MTUS1: variants seen among roughly 807,000 people sequenced by gnomAD.
MTUS1 encodes the protein microtubule associated scaffold protein 1.
In MTUS1, 109 loss-of-function variants were observed where a neutral mutation model predicts 120.8. The ratio of observed to expected loss-of-function variants is 0.90; its 90% confidence interval spans 0.77 to 1.06. The LOEUF is 1.06. Ranked by LOEUF, MTUS1 falls within the 50% of genes least tolerant of loss-of-function variation. MTUS1 has a pLI of 0.00. For missense variants in MTUS1, 2,210 were observed against 1,486.3 expected, an observed-to-expected ratio of 1.49 and a Z score of -8.01; for synonymous variants, 737 against 550.5, an observed-to-expected ratio of 1.34 and a Z score of -4.74.
At chr8:17,742,794 T>C (rs1447113418) in intron 3 of MTUS1, among the ~76,000 whole-genome samples, 1 of 152,244 alleles carries the variant, frequency 6.6e-6, no homozygotes, top group African/African-American at 2.4e-5. Flanking sequence ...ATTTGCTCGC[T>C]TTCATTAGTT....
intron 7 of MTUS1, among the ~76,000 whole-genome samples, chr8:17,679,486 AT>A (rs33953568): frequency 0.57 from 85,374 of 149,260 alleles, 25,197 homozygotes; most frequent in Middle Eastern, 0.7. Context: ...AACTATTTTT[AT>A]TTTATTTATT....
At chr8:17,695,778 T>TA (rs1186529071) in intron 6 of MTUS1, among the ~76,000 whole-genome samples, 2 of 152,222 alleles carry the variant, frequency 1.3e-5, no homozygotes, top group East Asian at 3.9e-4. Context: ...ATAGAATATA[T>TA]AGTACGCTTT....
intron 6 of MTUS1, among the ~76,000 whole-genome samples, chr8:17,700,718 G>GA (rs1451975008): frequency 6.6e-6 from 1 of 150,760 alleles, no homozygotes; most frequent in African/African-American, 2.4e-5. Flanking sequence ...CATGCAGCCA[G>GA]AAAAAAATTA....
At chr8:17,721,683 A>G in intron 4 of MTUS1, 1 of 1,543,762 alleles carries the variant, frequency 6.5e-7, no homozygotes, top group Non-Finnish European at 8.7e-7. Context: ...ATGCTTACAA[A>G]GAAAAGAAAC....
chr8:17,652,746 G>T (rs944564363), intron 12 of MTUS1, among the ~76,000 whole-genome samples: 6 of 151,752 alleles, frequency 4.0e-5, no homozygotes, highest in African/African-American at 1.5e-4. Flanking sequence ...TGAGGCAGGA[G>T]ACTCGCTTGA....
chr8:17,731,309 C>T (rs1490736342), intron 3 of MTUS1, among the ~76,000 whole-genome samples: 1 of 152,140 alleles, frequency 6.6e-6, no homozygotes, highest in Non-Finnish European at 1.5e-5. Context: ...GCCTAGTGAG[C>T]AGGTTCCTCA....
chr8:17,708,898 G>C (rs1437624429), intron 6 of MTUS1: 1 of 152,194 alleles, frequency 6.6e-6, no homozygotes, highest in Non-Finnish European at 1.5e-5. Flanking sequence ...AGCACTTTCG[G>C]AGGCCGAGGC....
intron 4 of MTUS1, chr8:17,723,326 G>A (rs2045968828): frequency 4.8e-5 from 15 of 315,616 alleles, no homozygotes; most frequent in South Asian, 4.2e-4. Flanking sequence ...GATTCCACAG[G>A]AGATAGTCTT....
Position 17,754,541 on chromosome 8 carries a change from C to T in MTUS1, c.1267G>A (p.Asp423Asn). 6.2e-7 allele frequency: 1 copy of T among 1,614,174 alleles called. No homozygotes were observed. The stretch of plus-strand genomic sequence containing the variant: ...GGTGTTGACATGCACATCGTTTTGT[C>T]TGTGCTAATGACCATATCATTTGCA... ...WDANDMVIST[D>N]KTMCMSTPVL... The change falls in exon 2 of 15, where the codon GAC becomes AAC. Residue 423 changes from aspartate to asparagine, a missense_variant. By Grantham distance (23) the Asp-to-Asn change is conservative. Coordinates refer to ENST00000693296, the MANE Select transcript of MTUS1 (RefSeq NM_001363059.2).
chr8:17,789,689 T>A (rs2051609412), intron 1 of MTUS1, among the ~76,000 whole-genome samples: 1 of 152,214 alleles, frequency 6.6e-6, no homozygotes, highest in African/African-American at 2.4e-5. Context: ...TGAAAATGAT[T>A]ACCTATGTTA....
chr8:17,769,983 T>C (rs950882687), intron 1 of MTUS1, among the ~76,000 whole-genome samples: 3 of 150,568 alleles, frequency 2.0e-5, no homozygotes, highest in Non-Finnish European at 4.4e-5. Context: ...AAGTGAGAAA[T>C]AAGCAAGGTT....
intron 1 of MTUS1, among the ~76,000 whole-genome samples, chr8:17,756,954 G>A (rs1467914495): frequency 1.3e-5 from 2 of 152,168 alleles, no homozygotes; most frequent in Admixed American, 1.3e-4. Flanking sequence ...AGTTTTTGTT[G>A]TTTAAGCCAT....
chr8:17,673,575 C>T (rs572810931), intron 8 of MTUS1, among the ~76,000 whole-genome samples: 1 of 152,276 alleles, frequency 6.6e-6, no homozygotes, highest in East Asian at 1.9e-4. Flanking sequence ...CCTCACACTC[C>T]AGAGTAGCTG....
rs200536866 is a variant in MTUS1 at position 17,655,963 on chromosome 8, C to T, written c.3008G>A (p.Arg1003Gln). 1.6e-4 allele frequency: 259 copies of T among 1,614,190 alleles called. 2 individuals are homozygous for T. The highest frequency in any genetic ancestry group is 1.3e-3 in the East Asian group (59 of 44,880). ...VQQHQAEKTERENRLKEFYTR... is the reference protein window; with the variant it reads ...VQQHQAEKTEQENRLKEFYTR... ...GTAAAACTCTTTAAGCCGATTCTCTCGTTCTGTTTTTTCAGCCTGGTGCTG... is the reference window on the plus strand; with the variant it reads ...GTAAAACTCTTTAAGCCGATTCTCTTGTTCTGTTTTTTCAGCCTGGTGCTG... Residue 1003 changes from arginine (R) to glutamine (Q), a missense_variant, in exon 9 of 15, where the codon CGA (arginine) becomes CAA (glutamine). Physicochemically the swap from Arg to Gln is conservative, Grantham distance 43 (BLOSUM62 1). Transcript: ENST00000693296.
intron 7 of MTUS1, among the ~76,000 whole-genome samples, chr8:17,675,568 T>C (rs1315738713): frequency 6.6e-6 from 1 of 152,228 alleles, no homozygotes; most frequent in Non-Finnish European, 1.5e-5. Context: ...ATGCATACTG[T>C]ACTTAAGATG....
In MTUS1 at chr8:17,673,952, C is replaced by G. The variant is rs151289077; in HGVS notation, c.2905+1234G>C. ...TACCTTGCATTATTCATACAACATA[C>G]CTGGGCATATTTTGGTGGAGACTGT... On this transcript the variant is annotated intron_variant, in intron 8 of 14. Coordinates refer to ENST00000693296, the MANE Select transcript of MTUS1 (RefSeq NM_001363059.2). Among the ~76,000 whole-genome samples, 1,071 of 152,250 alleles carry G rather than the reference C, an allele frequency of 7.0e-3. 3 individuals are homozygous for G. The highest frequency in any genetic ancestry group is 0.011 in the Non-Finnish European group (760 of 68,022).
chr8:17,770,029 C>T (rs948774813), intron 1 of MTUS1, among the ~76,000 whole-genome samples: 3 of 151,956 alleles, frequency 2.0e-5, no homozygotes, highest in Non-Finnish European at 4.4e-5. Flanking sequence ...GTATATAATA[C>T]ATAATAATTT....
chr8:17,713,932 A>G (rs1821823724), intron 5 of MTUS1, among the ~76,000 whole-genome samples: 1 of 152,170 alleles, frequency 6.6e-6, no homozygotes, highest in African/African-American at 2.4e-5. Flanking sequence ...CACAGGTAAA[A>G]CTGTTGCGAC....
intron 6 of MTUS1, among the ~76,000 whole-genome samples, chr8:17,700,707 T>A (rs767981284): frequency 6.6e-6 from 1 of 151,776 alleles, no homozygotes; most frequent in Non-Finnish European, 1.5e-5. Context: ...TTTTCAAAAA[T>A]CATGCAGCCA....
Sources: gnomAD v4.1 joint callset for allele counts (sites outside exome capture counted in the v4.1 genomes callset) on GRCh38, gnomAD v4.1.1 for gene constraint, MANE v1.5 for transcripts, NCBI Gene and HGNC (gene_info 2026-07-23, HGNC 2026-07-21) for gene names.